The following MLF1 variants were observed in gnomAD, a reference collection of about 807,000 sequenced individuals.
MLF1 encodes myeloid leukemia factor 1, also known as myelodysplasia-myeloid leukemia factor 1.
In MLF1, 37 loss-of-function variants were observed where a neutral mutation model predicts 38.3. The observed-to-expected ratio is 0.96, with a 90% CI of 0.74 to 1.27. The LOEUF (loss-of-function observed/expected upper bound fraction) is 1.27, where lower values mean the gene tolerates loss of function less well. Ranked by LOEUF, MLF1 falls within the 50% of genes most tolerant of loss-of-function variation. The probability of loss-of-function intolerance (pLI) is 0.00; values close to 1 mark genes in which losing one functional copy is unlikely to be tolerated. For synonymous variants in MLF1, 95 were observed against 106.5 expected (o/e 0.89, Z 0.66); for missense variants, 331 against 349.2 (o/e 0.95, Z 0.42).
At chr3:158,581,773 A>T (rs1716404370) in intron 1 of MLF1, among the ~76,000 whole-genome samples, 1 of 152,236 alleles carries the variant, frequency 6.6e-6, no homozygotes, top group South Asian at 2.1e-4. Flanking sequence ...GAATTTTTTT[A>T]AACTATGATT....
intron 1 of MLF1, among the ~76,000 whole-genome samples, chr3:158,587,847 A>G (rs1055133071): frequency 1.3e-5 from 2 of 152,194 alleles, no homozygotes; most frequent in Non-Finnish European, 2.9e-5. Flanking sequence ...AAAAATAGAA[A>G]AAAATTAGCC....
intron 7 of MLF1, among the ~76,000 whole-genome samples, chr3:158,604,592 A>C (rs937682113): frequency 9.2e-5 from 14 of 152,294 alleles, no homozygotes; most frequent in African/African-American, 3.1e-4. Flanking sequence ...TAACAGGAAA[A>C]CAGCTGTTGC....
intron 1 of MLF1, among the ~76,000 whole-genome samples, chr3:158,590,362 TCA>T (rs1174674544): frequency 6.6e-6 from 1 of 152,210 alleles, no homozygotes; most frequent in Non-Finnish European, 1.5e-5. Flanking sequence ...ACTGGAACTC[TCA>T]GTTACAGTTT....
intron 5 of MLF1, 108 bp downstream of exon 5, chr3:158,598,316 G>T (rs1458760823): frequency 1.4e-5 from 12 of 853,764 alleles, no homozygotes; most frequent in Non-Finnish European, 1.7e-5. Context: ...ATGGTGGGGG[G>T]ACAGGAGGGA....
chr3:158,574,800 T>C (rs1001796046), intron 1 of MLF1, among the ~76,000 whole-genome samples: 2 of 152,068 alleles, frequency 1.3e-5, no homozygotes, highest in African/African-American at 4.8e-5. Context: ...GTACTACAAA[T>C]CCATAGATTA....
At chr3:158,581,535 C>G (rs1342781708) in intron 1 of MLF1, among the ~76,000 whole-genome samples, 7 of 152,152 alleles carry the variant, frequency 4.6e-5, no homozygotes, top group Non-Finnish European at 7.4e-5. Context: ...CTAGGCTAAG[C>G]CAAAGACTGT....
intron 3 of MLF1, among the ~76,000 whole-genome samples, chr3:158,596,660 C>T (rs559425764): frequency 1.3e-5 from 2 of 152,126 alleles, no homozygotes; most frequent in African/African-American, 4.8e-5. Context: ...TATGTTGGCT[C>T]TTTGGGATTT....
chr3:158,600,669 TATG>T (rs1306089003), intron 6 of MLF1, among the ~76,000 whole-genome samples: 1 of 151,590 alleles, frequency 6.6e-6, no homozygotes, highest in Non-Finnish European at 1.5e-5. Context: ...TAAAGTTACT[TATG>T]ATGCTATTTT....
In MLF1 at chr3:158,605,123, T is replaced by C; in HGVS notation, c.773T>C (p.Ile258Thr). Residue 258 changes from isoleucine to threonine, a missense_variant, in exon 8 of 8, where the codon ATT becomes ACT. Physicochemically the swap from Ile to Thr is moderately conservative, Grantham distance 89. Transcript: ENST00000466246. ...RREKPQQSPA[I>T]EHGRRSNVLG... is the part of the protein sequence containing the mutation. ...GAGAAACCTCAACAAAGTCCAGCCA[T>C]TGAACATGGAAGGAGATCAAATGTT... 3.1e-6 allele frequency: 5 copies of C among 1,613,566 alleles called. No homozygotes were observed. The highest frequency in any genetic ancestry group is 2.2e-5 in the East Asian group (1 of 44,856).
At chr3:158,604,217 T>C (rs562867555) in intron 7 of MLF1, among the ~76,000 whole-genome samples, 1 of 152,356 alleles carries the variant, frequency 6.6e-6, no homozygotes, top group Non-Finnish European at 1.5e-5. Context: ...ATTTGTCTCA[T>C]TTGAAAAATG....
chr3:158,572,919 C>T (rs1446316510), intron 1 of MLF1, among the ~76,000 whole-genome samples: 3 of 151,522 alleles, frequency 2.0e-5, no homozygotes, highest in Non-Finnish European at 2.9e-5. Context: ...TCCCGGGGTG[C>T]CTGCTGCTTT....
intron 1 of MLF1, among the ~76,000 whole-genome samples, chr3:158,580,547 A>T (rs556950516): frequency 6.6e-6 from 1 of 152,282 alleles, no homozygotes; most frequent in South Asian, 2.1e-4. Context: ...CTTGTTGCAT[A>T]TAATTTTGCT....
intron 1 of MLF1, among the ~76,000 whole-genome samples, chr3:158,574,769 C>G (rs62287934): frequency 0.33 from 50,176 of 151,384 alleles, 8,451 homozygotes; most frequent in Middle Eastern, 0.37. Flanking sequence ...TACATAAGCT[C>G]TGGCTTTCAA....
chr3:158,594,470 G>A (rs367559401), intron 3 of MLF1, among the ~76,000 whole-genome samples: 32 of 100,952 alleles, frequency 3.2e-4, no homozygotes, highest in African/African-American at 1.4e-3. Context: ...TCTTTAGACC[G>A]TAGAAGGAGA....
At chr3:158,591,032 T>G (rs1215452130) in intron 1 of MLF1, 1 of 456,294 alleles carries the variant, frequency 2.2e-6, no homozygotes. Flanking sequence ...GGAATAGGTT[T>G]ATGTATACAA....
At chr3:158,576,630 A>G (rs1372080214) in intron 1 of MLF1, among the ~76,000 whole-genome samples, 2 of 151,964 alleles carry the variant, frequency 1.3e-5, no homozygotes, top group African/African-American at 4.8e-5. Flanking sequence ...GCTATTGGAG[A>G]TAGAAAGCTC....
intron 1 of MLF1, among the ~76,000 whole-genome samples, chr3:158,585,389 A>G (rs1029994224): frequency 3.9e-5 from 6 of 152,166 alleles, no homozygotes; most frequent in African/African-American, 1.4e-4. Context: ...AGCATCCTGA[A>G]GTTCTCATCA....
rs74474082 is a variant in MLF1, at chr3:158,598,689, A to G, written c.453+481A>G. Among the ~76,000 whole-genome samples the G allele has an allele frequency of 1.7e-3, 263 of 152,246 alleles. 5 individuals carry two copies. In the East Asian group the frequency reaches 0.046, roughly 26 times the overall value. ...ATAACATTTTTCTCTATTTGCTTCAAGTTGTCTCTTGCTTTGTTTTCTTTT... is the reference window on the plus strand; with the variant it reads ...ATAACATTTTTCTCTATTTGCTTCAGGTTGTCTCTTGCTTTGTTTTCTTTT... On this transcript the variant is annotated intron_variant, in intron 5 of 7. Transcript: ENST00000466246.
At chr3:158,599,526 A>C (rs73024708) in intron 5 of MLF1, among the ~76,000 whole-genome samples, 4,874 of 152,288 alleles carry the variant, frequency 0.032, 240 homozygotes, top group African/African-American at 0.11. Flanking sequence ...TGACAAACTT[A>C]AATGTAAACA....
Sources: allele counts gnomAD v4.1 joint callset (sites outside exome capture counted in the v4.1 genomes callset), GRCh38; gene constraint gnomAD v4.1.1; transcripts MANE v1.5; gene names NCBI Gene and HGNC (gene_info 2026-07-23, HGNC 2026-07-21).